Variants in DPP10 observed in about 807,000 individuals in gnomAD.
DPP10 encodes dipeptidyl peptidase like 10.
Under a neutral mutation model 120.9 loss-of-function variants are expected in DPP10, and 33 were observed. The ratio of observed to expected loss-of-function variants is 0.27; its 90% CI spans 0.21 to 0.37. The LOEUF is 0.37. Among genes scored for constraint, DPP10 ranks in the 10% least tolerant of loss-of-function variants. DPP10 has a pLI of 1.00. For missense variants in DPP10, 816 were observed against 942.8 expected, an observed-to-expected ratio of 0.87 and a Z score of 1.76; for synonymous variants, 337 against 326.1, an observed-to-expected ratio of 1.03 and a Z score of -0.36.
chr2:115,086,707 C>T lies in DPP10; in HGVS notation c.61-222532C>T, dbSNP rs1487362035. Among the ~76,000 whole-genome samples, 4 of 152,106 alleles carry T rather than the reference C, an allele frequency of 2.6e-5. 1 individual carries two copies. Among genetic ancestry groups the T allele is most frequent in the Admixed American group, 1.3e-4 (2 of 15,272 alleles). ...TCCTGACCTCATGACCTGCTCGCCT[C>T]GGCCTCCCAAAGTGCTGGGATTAGG... On this transcript the variant is annotated intron_variant, in intron 1 of 25. Transcript: ENST00000410059.
intron 1 of DPP10, among the ~76,000 whole-genome samples, chr2:115,039,349 A>G (rs1404364565): frequency 6.6e-6 from 1 of 152,228 alleles, no homozygotes; most frequent in Non-Finnish European, 1.5e-5. Flanking sequence ...CTTCAGATAA[A>G]TTAATTGTCA....
At position 115,575,928 on chromosome 2, in the gene DPP10, A is replaced by G. The variant is rs559436669; in HGVS notation, c.441+49956A>G. On this transcript the variant is annotated intron_variant, in intron 5 of 25. Transcript: ENST00000410059. ...AATACCTTCAGTCACAGTCAGCAAC[A>G]AAACATAGACCTCAGCCCTACAACT... 2.0e-5 allele frequency among the ~76,000 whole-genome samples: 3 copies of G among 152,344 alleles called. No individual in the cohort carries two copies. In the East Asian group the frequency reaches 5.8e-4, roughly 29 times the overall value.
At chr2:114,609,194 G>T (rs929121657) in intron 1 of DPP10, among the ~76,000 whole-genome samples, 5 of 152,106 alleles carry the variant, frequency 3.3e-5, no homozygotes, top group African/African-American at 1.2e-4. Flanking sequence ...CACAATGAGG[G>T]TATATTTTGG....
At chr2:115,810,317 T>C (rs1041113172) in intron 19 of DPP10, among the ~76,000 whole-genome samples, 8 of 152,166 alleles carry the variant, frequency 5.3e-5, no homozygotes, top group African/African-American at 1.9e-4. Context: ...GACTAAAACC[T>C]TAGTCTTCTG....
chr2:115,823,294 C>G (rs1267840621), intron 21 of DPP10, among the ~76,000 whole-genome samples: 1 of 152,068 alleles, frequency 6.6e-6, no homozygotes, highest in Non-Finnish European at 1.5e-5. Flanking sequence ...CAAGTGTGGA[C>G]TTATGGCTCA....
At chr2:114,721,082 C>T (rs755307924) in intron 1 of DPP10, among the ~76,000 whole-genome samples, 33 of 152,230 alleles carry the variant, frequency 2.2e-4, no homozygotes, top group Admixed American at 5.9e-4. Context: ...CCCACCCTGA[C>T]GAGGTAGACT....
intron 1 of DPP10, among the ~76,000 whole-genome samples, chr2:115,116,682 A>G (rs55732495): frequency 0.21 from 31,402 of 152,136 alleles, 3,988 homozygotes; most frequent in East Asian, 0.36. Flanking sequence ...GAGACTCAGA[A>G]AAGGTACTTC....
chr2:114,548,843 G>C (rs1187996058), intron 1 of DPP10, among the ~76,000 whole-genome samples: 1 of 152,072 alleles, frequency 6.6e-6, no homozygotes, highest in East Asian at 1.9e-4. Flanking sequence ...CGTTTCTCCT[G>C]AGACACACAT....
intron 1 of DPP10, among the ~76,000 whole-genome samples, chr2:114,615,377 C>G (rs1005174464): frequency 6.6e-6 from 1 of 152,226 alleles, no homozygotes; most frequent in Non-Finnish European, 1.5e-5. Context: ...TGAGCTCTTG[C>G]TTTATTTTCT....
intron 1 of DPP10, among the ~76,000 whole-genome samples, chr2:114,811,653 AC>A (rs1034711709): frequency 4.0e-5 from 6 of 150,216 alleles, no homozygotes; most frequent in African/African-American, 1.5e-4. Flanking sequence ...CACCATTATC[AC>A]CCCTCACCCC....
At chr2:114,968,934 G>A (rs1334876324) in intron 1 of DPP10, among the ~76,000 whole-genome samples, 14 of 152,154 alleles carry the variant, frequency 9.2e-5, no homozygotes. Context: ...AATGATTGAA[G>A]TCATGATAAT....
chr2:114,608,445 A>G (rs1693005726), intron 1 of DPP10, among the ~76,000 whole-genome samples: 1 of 152,226 alleles, frequency 6.6e-6, no homozygotes, highest in South Asian at 2.1e-4. Flanking sequence ...GCAGCTCGAG[A>G]AAGATGATCA....
At chr2:115,164,309 C>T (rs964228240) in intron 1 of DPP10, among the ~76,000 whole-genome samples, 2 of 151,726 alleles carry the variant, frequency 1.3e-5, no homozygotes, top group Non-Finnish European at 2.9e-5. Context: ...AACTACTTTC[C>T]GTAAGACTAC....
chr2:114,546,825 AAAATT>A (rs1687441101), intron 1 of DPP10, among the ~76,000 whole-genome samples: 1 of 152,234 alleles, frequency 6.6e-6, no homozygotes, highest in Admixed American at 6.5e-5. Flanking sequence ...ATTACAAAGA[AAAATT>A]AAATATCTTC....
chr2:114,711,818 A>C (rs1208525360), intron 1 of DPP10, among the ~76,000 whole-genome samples: 1 of 152,202 alleles, frequency 6.6e-6, no homozygotes, highest in Non-Finnish European at 1.5e-5. Flanking sequence ...AAGAAGTTAT[A>C]ATTTAATTAG....
intron 5 of DPP10, among the ~76,000 whole-genome samples, chr2:115,683,186 T>C (rs553087462): frequency 6.6e-6 from 1 of 152,040 alleles, no homozygotes; most frequent in East Asian, 1.9e-4. Context: ...TATCAAGGCA[T>C]GAAAACACAT....
chr2:115,322,749 C>G (rs928586769), intron 2 of DPP10, among the ~76,000 whole-genome samples: 1 of 152,134 alleles, frequency 6.6e-6, no homozygotes. Flanking sequence ...TAAAGCAAAT[C>G]ATACAATTTT....
intron 1 of DPP10, among the ~76,000 whole-genome samples, chr2:114,713,449 G>A (rs1701155587): frequency 6.6e-6 from 1 of 152,110 alleles, no homozygotes; most frequent in African/African-American, 2.4e-5. Context: ...CTTAGCTAAA[G>A]CCCTATCGGA....
chr2:114,973,062 A>G (rs1018473445), intron 1 of DPP10, among the ~76,000 whole-genome samples: 1 of 152,136 alleles, frequency 6.6e-6, no homozygotes. Context: ...GTCATATACC[A>G]TGTAATCATG....
Sources: allele counts gnomAD v4.1 joint callset (sites outside exome capture counted in the v4.1 genomes callset), GRCh38; gene constraint gnomAD v4.1.1; transcripts MANE v1.5; gene names NCBI Gene and HGNC (gene_info 2026-07-23, HGNC 2026-07-21).